The following TOX variants were observed in gnomAD, a reference collection of about 807,000 sequenced individuals.
TOX encodes the protein thymocyte selection-associated high mobility group box protein TOX.
A neutral mutation model predicts 53.7 loss-of-function variants in TOX; 11 were observed. The observed-to-expected ratio is 0.20, with a 90% CI of 0.13 to 0.34. The LOEUF is 0.34. Ranked by LOEUF, TOX falls within the 10% of genes least tolerant of loss-of-function variation. The pLI is 1.00. For synonymous variants in TOX, 225 were observed against 245.3 expected (o/e 0.92, Z 0.77); for missense variants, 570 against 664.6 (o/e 0.86, Z 1.56).
At chr8:58,856,991 C>A (rs1365064513) in intron 3 of TOX, among the ~76,000 whole-genome samples, 1 of 152,084 alleles carries the variant, frequency 6.6e-6, no homozygotes, top group Non-Finnish European at 1.5e-5. Flanking sequence ...CCAACATAAT[C>A]CTAACTGATA....
Position 59,060,699 on chromosome 8 carries a change from T to A in TOX, c.102+58187A>T, listed in dbSNP as rs186654964. Reference sequence around the variant, plus strand: ...ATAAAAATAGTACTAATAGCCAATGTTTGTTTTATACCTGTCACCTTTTTG... The same window carrying A: ...ATAAAAATAGTACTAATAGCCAATGATTGTTTTATACCTGTCACCTTTTTG... On this transcript the variant is annotated intron_variant, in intron 1 of 8. Transcript: ENST00000361421. Among the ~76,000 whole-genome samples, 4 of 152,332 alleles carry A rather than the reference T, an allele frequency of 2.6e-5. No individual in the cohort carries two copies. The East Asian group carries it at 7.7e-4, about 29-fold the overall frequency.
chr8:59,098,226 C>T (rs1448537327), intron 1 of TOX, among the ~76,000 whole-genome samples: 1 of 152,130 alleles, frequency 6.6e-6, no homozygotes, highest in Admixed American at 6.6e-5. Flanking sequence ...GTGGAGGATT[C>T]CTTTTTCAGT....
chr8:58,978,764 T>C (rs1467939891), intron 1 of TOX, among the ~76,000 whole-genome samples: 1 of 152,216 alleles, frequency 6.6e-6, no homozygotes, highest in Non-Finnish European at 1.5e-5. Context: ...GTAGTTTACA[T>C]TAATTAGGGT....
chr8:59,099,772 T>C (rs1375279058), intron 1 of TOX, among the ~76,000 whole-genome samples: 2 of 152,222 alleles, frequency 1.3e-5, no homozygotes, highest in Non-Finnish European at 2.9e-5. Context: ...TGTTGTAATG[T>C]AATTACAGTT....
At chr8:58,904,261 T>A (rs1222606241) in intron 3 of TOX, among the ~76,000 whole-genome samples, 1 of 152,084 alleles carries the variant, frequency 6.6e-6, no homozygotes, top group Non-Finnish European at 1.5e-5. Flanking sequence ...TTAATAACCA[T>A]CTTTCCTGCT....
rs567074374 is a variant in TOX at position 58,871,080 on chromosome 8, C to T, written c.412-19275G>A. Among the ~76,000 whole-genome samples the T allele has an allele frequency of 1.0e-3, 148 of 145,284 alleles. 2 individuals carry two copies. Among genetic ancestry groups the T allele is most frequent in the African/African-American group, 3.5e-3 (136 of 39,138 alleles). On this transcript the variant is annotated intron_variant, in intron 3 of 8. Coordinates refer to ENST00000361421, the MANE Select transcript of TOX (RefSeq NM_014729.3). ...AGTGTGGTACATCCATACAGTAAAA[C>T]ATTATTCAGTGATAAAAAGAAATGA...
intron 1 of TOX, among the ~76,000 whole-genome samples, chr8:59,094,696 C>T (rs1804684602): frequency 6.6e-6 from 1 of 152,006 alleles, no homozygotes; most frequent in African/African-American, 2.4e-5. Context: ...TGCAGAAGGA[C>T]CTCTGAAGCA....
chr8:59,118,540 C>G lies in TOX; in HGVS notation c.102+346G>C, dbSNP rs1805149501. On this transcript the variant is annotated intron_variant, in intron 1 of 8. Coordinates refer to ENST00000361421, the MANE Select transcript of TOX (RefSeq NM_014729.3). This position sits in a 1 kb window ranked among gnomAD's most constrained non-coding sequence, Gnocchi z 4.1. ...AAACTGAATTCTCTTACTCTGCCTC[C>G]GTTCCTGGACCCCAGACACACCCCC... Among the ~76,000 whole-genome samples, 1 of 152,168 alleles carries G rather than the reference C, an allele frequency of 6.6e-6. No homozygotes were observed. The highest frequency in any genetic ancestry group is 2.4e-5 in the African/African-American group (1 of 41,446).
At chr8:58,882,648 T>C (rs1472480962) in intron 3 of TOX, among the ~76,000 whole-genome samples, 1 of 152,212 alleles carries the variant, frequency 6.6e-6, no homozygotes, top group African/African-American at 2.4e-5. Context: ...TGAAAAAATG[T>C]TAAAAAGGTA....
intron 5 of TOX, among the ~76,000 whole-genome samples, chr8:58,834,150 G>A (rs758294790): frequency 2.6e-5 from 4 of 152,070 alleles, no homozygotes; most frequent in Non-Finnish European, 4.4e-5. Context: ...ACTAATAGCC[G>A]TTTTTCCTTA....
chr8:58,878,215 A>G (rs1811319054), intron 3 of TOX, among the ~76,000 whole-genome samples: 1 of 152,122 alleles, frequency 6.6e-6, no homozygotes, highest in Non-Finnish European at 1.5e-5. Flanking sequence ...GAAAAAAAAA[A>G]AAAGAGAGAG....
rs1255020809 is a variant in TOX at position 58,915,466 on chromosome 8, T to C, written c.411+23836A>G. On this transcript the variant is annotated intron_variant, in intron 3 of 8. Transcript: ENST00000361421. ...CACTGACACCTCACACGGCAGGGTATTCCAACAGACCTGCAGCTGAGGGTC... is the reference window on the plus strand; with the variant it reads ...CACTGACACCTCACACGGCAGGGTACTCCAACAGACCTGCAGCTGAGGGTC... 2.7e-3 allele frequency among the ~76,000 whole-genome samples: 298 copies of C among 109,726 alleles called. 1 individual carries two copies. Among genetic ancestry groups the C allele is most frequent in the Non-Finnish European group, 3.9e-3 (205 of 53,200 alleles). 72.0% of individuals were successfully genotyped at this position (109,726 alleles called of 152,430 possible).
intron 3 of TOX, among the ~76,000 whole-genome samples, chr8:58,871,172 C>CA (rs36036067): frequency 0.13 from 9,268 of 70,170 alleles, 531 homozygotes; most frequent in Non-Finnish European, 0.18. Context: ...AGAAGCCAGT[C>CA]AAAAAAAAAA....
chr8:58,841,257 T>C (rs1316326487), intron 4 of TOX, among the ~76,000 whole-genome samples: 1 of 152,208 alleles, frequency 6.6e-6, no homozygotes, highest in Non-Finnish European at 1.5e-5. Context: ...AAGCTTGTAA[T>C]TACACAATAA....
chr8:59,093,439 T>C lies in TOX; in HGVS notation c.102+25447A>G, dbSNP rs185319808. Among the ~76,000 whole-genome samples the C allele has an allele frequency of 2.6e-3, 396 of 152,364 alleles. 1 individual carries two copies. Among genetic ancestry groups the C allele is most frequent in the Non-Finnish European group, 2.9e-3 (196 of 68,034 alleles). On this transcript the variant is annotated intron_variant, in intron 1 of 8. Transcript: ENST00000361421. ...TCCACTGAATGATTATTAATGTACT[T>C]TGTTATGTGTTTTATCTGACATGGC...
intron 1 of TOX, among the ~76,000 whole-genome samples, chr8:58,976,064 C>G (rs1391962390): frequency 1.0e-5 from 1 of 96,758 alleles, no homozygotes; most frequent in Non-Finnish European, 2.4e-5. Context: ...GAGTGAGACT[C>G]CGTCTAATAA....
chr8:59,000,300 A>G (rs1813666639), intron 1 of TOX, among the ~76,000 whole-genome samples: 2 of 152,202 alleles, frequency 1.3e-5, no homozygotes, highest in African/African-American at 4.8e-5. Context: ...GTGATAAGAA[A>G]GGAAAATTGT....
At chr8:59,020,197 C>T (rs1455097340) in intron 1 of TOX, among the ~76,000 whole-genome samples, 2 of 152,190 alleles carry the variant, frequency 1.3e-5, no homozygotes, top group Non-Finnish European at 2.9e-5. Context: ...TGGGCTTCCA[C>T]TCAAGTATTT....
intron 1 of TOX, among the ~76,000 whole-genome samples, chr8:59,058,602 C>T (rs1803924805): frequency 6.6e-6 from 1 of 152,184 alleles, no homozygotes; most frequent in Non-Finnish European, 1.5e-5. Context: ...GATGTACAAG[C>T]TATAGGGACT....
Sources: allele counts gnomAD v4.1 joint callset (sites outside exome capture counted in the v4.1 genomes callset), GRCh38; gene constraint gnomAD v4.1.1; non-coding constraint Gnocchi (gnomAD v3.1); transcripts MANE v1.5; gene names NCBI Gene and HGNC (gene_info 2026-07-23, HGNC 2026-07-21).